ZNF469: variants seen among roughly 807,000 people sequenced by gnomAD.
The protein encoded by ZNF469 is zinc finger protein 469.
In ZNF469, 1 loss-of-function variant was observed where a neutral mutation model predicts 1.0. The observed-to-expected ratio is 1.00, with a 90% CI of 0.35 to 4.73. ZNF469 has a LOEUF of 4.73. Ranked by LOEUF, ZNF469 falls within the 30% of genes most tolerant of loss-of-function variation. The pLI, the probability that ZNF469 is intolerant of heterozygous loss-of-function variation, is 0.16. For synonymous variants in ZNF469, 2,703 were observed against 2,363.4 expected, an observed-to-expected ratio of 1.14 and a Z score of -4.17; for missense variants, 6,100 against 5,356.3, an observed-to-expected ratio of 1.14 and a Z score of -4.33.
At chr16:88,146,227 G>C in the ZNF469 span, among the ~76,000 whole-genome samples, 4 of 152,230 alleles carry the variant, frequency 2.6e-5, no homozygotes, top group African/African-American at 9.6e-5. Flanking sequence ...TCAGGACTCA[G>C]ACAGTGCCTG....
chr16:88,330,390 G>A, the ZNF469 span, among the ~76,000 whole-genome samples: 2 of 152,348 alleles, frequency 1.3e-5, no homozygotes, highest in Admixed American at 6.5e-5. Flanking sequence ...CCATAGCCAC[G>A]CCTTCTGAAA....
At chr16:88,258,427 C>T in the ZNF469 span, among the ~76,000 whole-genome samples, 194 of 139,580 alleles carry the variant, frequency 1.4e-3, 7 homozygotes, top group South Asian at 0.046. Context: ...CCCACCCCCC[C>T]AGCTTACCCC....
At chr16:88,120,819 G>A in the ZNF469 span, among the ~76,000 whole-genome samples, 150 of 152,300 alleles carry the variant, frequency 9.8e-4, no homozygotes, top group Middle Eastern at 0.01. Context: ...GGAGACGCCC[G>A]TGTCGAGGGC....
chr16:88,140,722 A>G, the ZNF469 span, among the ~76,000 whole-genome samples: 1 of 152,174 alleles, frequency 6.6e-6, no homozygotes, highest in Non-Finnish European at 1.5e-5. Flanking sequence ...ATTTGAGGTC[A>G]GGAGTTCGAG....
At chr16:88,164,802 G>A in the ZNF469 span, among the ~76,000 whole-genome samples, 1 of 152,186 alleles carries the variant, frequency 6.6e-6, no homozygotes, top group African/African-American at 2.4e-5. Context: ...TTTCTGGGTG[G>A]TGGGTCTGCA....
the ZNF469 span, among the ~76,000 whole-genome samples, chr16:88,358,866 G>C: frequency 6.6e-6 from 1 of 151,974 alleles, no homozygotes; most frequent in East Asian, 1.9e-4. Context: ...TTACAGGCGC[G>C]TGCCACCATG....
chr16:88,197,138 T>C, the ZNF469 span, among the ~76,000 whole-genome samples: 1 of 152,164 alleles, frequency 6.6e-6, no homozygotes, highest in East Asian at 1.9e-4. Context: ...CCATCACACC[T>C]AGGAAGCTGG....
the ZNF469 span, among the ~76,000 whole-genome samples, chr16:88,256,708 C>T: frequency 6.6e-6 from 1 of 152,102 alleles, no homozygotes; most frequent in Non-Finnish European, 1.5e-5. Flanking sequence ...CACATCCTCG[C>T]CCAGCATTTG....
chr16:88,439,274 T>A lies in ZNF469; in HGVS notation c.11804T>A (p.Leu3935His). 6 of 1,550,430 alleles carry A rather than the reference T, an allele frequency of 3.9e-6. No homozygotes were observed. Among genetic ancestry groups the A allele is most frequent in the Non-Finnish European group, 5.2e-6 (6 of 1,146,994 alleles). The change falls in exon 3 of 3, where the codon CTC (leucine) becomes CAC (histidine). Residue 3935 changes from leucine (L) to histidine (H), a missense_variant. Transcript: ENST00000565624. ...AEAQSDLLSQ[L>H]FGQRLTGFKI... ...GCCCAGAGTGACCTCCTCAGCCAGC[T>A]CTTCGGGCAGAGACTAACTGGCTTC...
the ZNF469 span, among the ~76,000 whole-genome samples, chr16:88,256,886 T>TTTC: frequency 2.2e-3 from 219 of 101,842 alleles, 5 homozygotes; most frequent in African/African-American, 7.4e-3. Flanking sequence ...TTTTCTTTTC[T>TTTC]TTTCTTTCCT....
At chr16:88,185,896 G>A in the ZNF469 span, among the ~76,000 whole-genome samples, 33,473 of 150,070 alleles carry the variant, frequency 0.22, 4,068 homozygotes, top group African/African-American at 0.32. Flanking sequence ...ACTTATGTGC[G>A]CAGACCCACA....
the ZNF469 span, among the ~76,000 whole-genome samples, chr16:88,300,016 G>T: frequency 7.2e-5 from 11 of 152,162 alleles, no homozygotes; most frequent in Non-Finnish European, 1.3e-4. Flanking sequence ...CGCACGGCAC[G>T]GCTAGGGGGA....
At chr16:88,356,323 G>A in the ZNF469 span, among the ~76,000 whole-genome samples, 12 of 152,168 alleles carry the variant, frequency 7.9e-5, no homozygotes, top group Admixed American at 2.6e-4. Flanking sequence ...GAGCCGCCTG[G>A]TTTCAGTCTT....
At chr16:88,296,796 CAT>C in the ZNF469 span, among the ~76,000 whole-genome samples, 129 of 152,320 alleles carry the variant, frequency 8.5e-4, no homozygotes, top group Non-Finnish European at 1.5e-3. Flanking sequence ...CTCTCACACA[CAT>C]GGTAGTGCAC....
chr16:88,346,091 C>T, the ZNF469 span, among the ~76,000 whole-genome samples: 5 of 152,162 alleles, frequency 3.3e-5, no homozygotes, highest in African/African-American at 4.8e-5. Context: ...ACTTCACAGC[C>T]GAGAGCATTA....
At chr16:88,159,872 G>A in the ZNF469 span, among the ~76,000 whole-genome samples, 1 of 152,158 alleles carries the variant, frequency 6.6e-6, no homozygotes, top group Non-Finnish European at 1.5e-5. Flanking sequence ...AGAGAGTGAG[G>A]ACTGTGAGGC....
the ZNF469 span, among the ~76,000 whole-genome samples, chr16:88,313,462 C>G: frequency 8.0e-4 from 122 of 152,346 alleles, no homozygotes; most frequent in African/African-American, 2.9e-3. Flanking sequence ...ATTTCACTAT[C>G]TGTAATTAAG....
chr16:88,438,964 G>C lies in ZNF469; in HGVS notation c.11494G>C (p.Gly3832Arg). ...AGGGCCAGCCAGGAGTGAAAGTGTG[G>C]GGAGCTTCGGGAGAGCCCCCTCAGC... The part of the protein sequence containing the change: ...VPGPARSESV[G>R]SFGRAPSAPD... Residue 3832 changes from glycine (G) to arginine (R), a missense_variant, in exon 3 of 3, where the codon GGG becomes CGG. By Grantham distance (125) the Gly-to-Arg change is moderately radical. Transcript: ENST00000565624. 2 of 1,550,396 alleles carry C rather than the reference G, an allele frequency of 1.3e-6. No homozygotes were observed. Among genetic ancestry groups the C allele is most frequent in the Admixed American group, 3.9e-5 (2 of 51,012 alleles).
the ZNF469 span, among the ~76,000 whole-genome samples, chr16:88,229,249 A>G: frequency 1 from 152,362 of 152,364 alleles, 76,181 homozygotes; most frequent in Non-Finnish European, 1. Flanking sequence ...TCTAGTGAAG[A>G]TCTTGACAAG....
Sources: gnomAD v4.1 joint callset for allele counts (sites outside exome capture counted in the v4.1 genomes callset) on GRCh38, gnomAD v4.1.1 for gene constraint, MANE v1.5 for transcripts, NCBI Gene and HGNC (gene_info 2026-07-23, HGNC 2026-07-21) for gene names.